PIEZO2: variants seen among roughly 807,000 people sequenced by gnomAD.
PIEZO2 encodes piezo-type mechanosensitive ion channel component 2.
A neutral mutation model predicts 337.3 loss-of-function variants in PIEZO2; 172 were observed. The observed-to-expected ratio is 0.51, with a 90% CI of 0.45 to 0.58. PIEZO2 has a LOEUF of 0.58. Ranked by LOEUF, PIEZO2 falls within the 20% of genes least tolerant of loss-of-function variation. The pLI is 0.00. For synonymous variants in PIEZO2, 1,251 were observed against 1,228.5 expected, an observed-to-expected ratio of 1.02 and a Z score of -0.38; for missense variants, 3,028 against 3,391.3, an observed-to-expected ratio of 0.89 and a Z score of 2.66.
Position 11,081,465 on chromosome 18 carries a change from G to A in PIEZO2, c.65-15243C>T, listed in dbSNP as rs548748636. Among the ~76,000 whole-genome samples the A allele has an allele frequency of 7.5e-4, 114 of 152,264 alleles. 1 individual carries two copies. The highest frequency in any genetic ancestry group is 1.5e-3 in the Non-Finnish European group (99 of 68,024). On this transcript the variant is annotated intron_variant, in intron 1 of 55. Coordinates refer to ENST00000674853, the MANE Select transcript of PIEZO2 (RefSeq NM_001378183.1). ...AGCCTCAAGGTAACTTCACAAAAATGGAACTAAACCATGTATAATTTTTTT... is the reference window on the plus strand; with the variant it reads ...AGCCTCAAGGTAACTTCACAAAAATAGAACTAAACCATGTATAATTTTTTT...
In PIEZO2 at chr18:10,945,044, A is replaced by G. The variant is rs1286308754; in HGVS notation, c.287-33816T>C. ...AATCCAGGGATGTCAAGAATGCTAC[A>G]GTTCACAGGAAAGAGTATTAGAGAA... On this transcript the variant is annotated intron_variant, in intron 3 of 55. Transcript: ENST00000674853. This position sits in a 1 kb window ranked among gnomAD's most constrained non-coding sequence, Gnocchi z 4.0. Among the ~76,000 whole-genome samples the G allele has an allele frequency of 6.6e-6, 1 of 152,170 alleles. No individual in the cohort carries two copies. Among genetic ancestry groups the G allele is most frequent in the Non-Finnish European group, 1.5e-5 (1 of 68,042 alleles).
At position 10,670,443 on chromosome 18, in the gene PIEZO2, AATTT is replaced by A. The variant is rs2033721302; in HGVS notation, c.*1080_*1083del. On this transcript the variant is annotated 3_prime_UTR_variant, in exon 56 of 56. Coordinates refer to ENST00000674853, the MANE Select transcript of PIEZO2 (RefSeq NM_001378183.1). ...AAGAGGTTGTATTACCAATAATAAT[AATTT>A]AAGAAAAGGCCATTTTTATTTCCCC... 6.6e-6 allele frequency: 1 copy of A among 152,238 alleles called. No individual in the cohort carries two copies. The highest frequency in any genetic ancestry group is 2.4e-5 in the African/African-American group (1 of 41,458). The allele number at this position is 152,238 out of a possible 1,614,324, so 9.4% of individuals were successfully genotyped here. A position where few individuals can be genotyped will look rare whatever the true frequency, so the allele number is the denominator to read the frequency against.
chr18:11,098,970 A>AT (rs34896056), intron 1 of PIEZO2, among the ~76,000 whole-genome samples: 42,495 of 140,744 alleles, frequency 0.3, 6,650 homozygotes, highest in East Asian at 0.57. Context: ...TATAATTTAA[A>AT]TTTTTTTTTT....
chr18:10,891,248 C>T (rs1375538291), intron 4 of PIEZO2, among the ~76,000 whole-genome samples: 3 of 152,026 alleles, frequency 2.0e-5, no homozygotes, highest in African/African-American at 2.4e-5. Context: ...CACTTGAACC[C>T]GGGAGGCAGA....
rs1240630326 is a variant in PIEZO2, at chr18:11,125,016, C to T, written c.64+23509G>A. ...CTACCACCTTCTTGATATTTAACCA[C>T]AAAATAAAAGTTAGATAATTTTTCT... On this transcript the variant is annotated intron_variant, in intron 1 of 55. Coordinates refer to ENST00000674853, the MANE Select transcript of PIEZO2 (RefSeq NM_001378183.1). This position sits in a 1 kb window ranked among gnomAD's most constrained non-coding sequence, Gnocchi z 4.4. Among the ~76,000 whole-genome samples, 1 of 124,322 alleles carries T rather than the reference C, an allele frequency of 8.0e-6. No homozygotes were observed. Among genetic ancestry groups the T allele is most frequent in the Non-Finnish European group, 1.8e-5 (1 of 55,644 alleles). The allele number at this position is 124,322 out of a possible 152,430, so 81.6% of individuals were successfully genotyped here.
Position 10,713,707 on chromosome 18 carries a change from T to C in PIEZO2, c.5423+1057A>G, listed in dbSNP as rs765567852. ...CTCTCCCAGAATAGAGCCCAGGGCT[T>C]GGCACAGAATAGCTGATACTCAACA... On this transcript the variant is annotated intron_variant, in intron 39 of 55. Transcript: ENST00000674853. This position sits in a 1 kb window ranked among gnomAD's most constrained non-coding sequence, Gnocchi z 4.5. 9.2e-5 allele frequency among the ~76,000 whole-genome samples: 14 copies of C among 152,186 alleles called. No homozygotes were observed. The highest frequency in any genetic ancestry group is 1.8e-4 in the Non-Finnish European group (12 of 68,032).
intron 4 of PIEZO2, among the ~76,000 whole-genome samples, chr18:10,893,284 C>T (rs537550725): frequency 3.3e-4 from 50 of 152,316 alleles, no homozygotes; most frequent in African/African-American, 1.2e-3. Context: ...TGTATGCCTA[C>T]ACATTTGAAC....
chr18:10,838,244 A>C (rs527333563), intron 7 of PIEZO2, among the ~76,000 whole-genome samples: 1 of 152,282 alleles, frequency 6.6e-6, no homozygotes, highest in South Asian at 2.1e-4. Flanking sequence ...CCTGCCTTGC[A>C]TCATATGGAA....
intron 2 of PIEZO2, among the ~76,000 whole-genome samples, chr18:11,049,229 G>A (rs7239749): frequency 0.37 from 56,598 of 151,974 alleles, 11,547 homozygotes; most frequent in Non-Finnish European, 0.47. Flanking sequence ...CAGCCCCTCA[G>A]TGTTCTCTCC....
At chr18:11,082,973 TGGAATCG>T (rs1188165440) in intron 1 of PIEZO2, among the ~76,000 whole-genome samples, 1 of 152,212 alleles carries the variant, frequency 6.6e-6, no homozygotes, top group African/African-American at 2.4e-5. Context: ...ACCTGACTGA[TGGAATCG>T]GCAGCATCCT....
chr18:11,087,637 C>T (rs937975817), intron 1 of PIEZO2, among the ~76,000 whole-genome samples: 1 of 152,206 alleles, frequency 6.6e-6, no homozygotes, highest in African/African-American at 2.4e-5. Flanking sequence ...CTTAACATCA[C>T]CTAATCACTC....
chr18:11,138,706 A>G (rs2040557056), intron 1 of PIEZO2, among the ~76,000 whole-genome samples: 1 of 152,256 alleles, frequency 6.6e-6, no homozygotes, highest in African/African-American at 2.4e-5. Flanking sequence ...ATAGAAGGCA[A>G]GACAGTGCTC....
chr18:11,060,009 A>G (rs974515543), intron 2 of PIEZO2, among the ~76,000 whole-genome samples: 3 of 152,212 alleles, frequency 2.0e-5, no homozygotes, highest in African/African-American at 7.2e-5. Context: ...AGTTGGAAGT[A>G]AAGCACTCCT....
intron 2 of PIEZO2, among the ~76,000 whole-genome samples, chr18:10,986,975 C>A (rs996475589): frequency 6.6e-5 from 10 of 151,716 alleles, no homozygotes; most frequent in Non-Finnish European, 1.5e-5. Flanking sequence ...TCAAAAAGAA[C>A]AAATACTTAG....
intron 3 of PIEZO2, among the ~76,000 whole-genome samples, chr18:10,934,177 A>G (rs2032244442): frequency 6.6e-6 from 1 of 152,252 alleles, no homozygotes; most frequent in African/African-American, 2.4e-5. Flanking sequence ...AGATTCCATT[A>G]AAGTGCTTTC....
Position 10,726,940 on chromosome 18 carries a change from T to C in PIEZO2, c.5029+4467A>G. On this transcript the variant is annotated intron_variant, in intron 36 of 55. Coordinates refer to ENST00000674853, the MANE Select transcript of PIEZO2 (RefSeq NM_001378183.1). This position sits in a 1 kb window ranked among gnomAD's most constrained non-coding sequence, Gnocchi z 5.9. ...GCTGGGTCGCCTGCTGCCCGACTGA[T>C]GTAGGTTGAGGGCTGCAGACAGAGG... The C allele has an allele frequency of 6.6e-7, 1 of 1,516,790 alleles. No homozygotes were observed. The highest frequency in any genetic ancestry group is 8.9e-7 in the Non-Finnish European group (1 of 1,117,766). The allele number at this position is 1,516,790 out of a possible 1,614,324, so 94.0% of individuals were successfully genotyped here.
Position 10,979,516 on chromosome 18 carries a change from A to C in PIEZO2, c.286+19T>G. ...AAGAAATAAAAGAAAACAATAAAAG[A>C]AAACACCATAATACTCACAGTTGTA... On this transcript the variant is annotated intron_variant, in intron 3 of 55. Transcript: ENST00000674853. This position sits in a 1 kb window ranked among gnomAD's most constrained non-coding sequence, Gnocchi z 4.0. 4.7e-6 allele frequency: 7 copies of C among 1,474,658 alleles called. No homozygotes were observed. The highest frequency in any genetic ancestry group is 6.3e-6 in the Non-Finnish European group (7 of 1,110,756). 91.3% of individuals were successfully genotyped at this position (1,474,658 alleles called of 1,614,324 possible). A position where few individuals can be genotyped will look rare whatever the true frequency, so the allele number is the denominator to read the frequency against.
At chr18:10,876,914 C>G (rs1468487872) in intron 4 of PIEZO2, among the ~76,000 whole-genome samples, 1 of 152,212 alleles carries the variant, frequency 6.6e-6, no homozygotes, top group East Asian at 1.9e-4. Context: ...GTGACCCATT[C>G]CAATTCTCAT....
At chr18:10,714,185 T>TA in intron 39 of PIEZO2, among the ~76,000 whole-genome samples, 1 of 152,304 alleles carries the variant, frequency 6.6e-6, no homozygotes, top group East Asian at 1.9e-4. Context: ...TCTTAGAGGA[T>TA]AAAATGAGGT....
Sources: gnomAD v4.1 joint callset for allele counts (sites outside exome capture counted in the v4.1 genomes callset) on GRCh38, gnomAD v4.1.1 for gene constraint, Gnocchi (gnomAD v3.1) non-coding constraint, MANE v1.5 for transcripts, NCBI Gene and HGNC (gene_info 2026-07-23, HGNC 2026-07-21) for gene names.